The following AFG1L variants were observed in gnomAD, a reference collection of about 807,000 sequenced individuals.
AFG1L encodes AFG1 like ATPase.
In AFG1L, 53 loss-of-function variants were observed where a neutral mutation model predicts 62.2. The ratio of observed to expected loss-of-function variants is 0.85; its 90% CI spans 0.68 to 1.07. The LOEUF (loss-of-function observed/expected upper bound fraction) is 1.07. AFG1L is among the 50% of genes least tolerant of loss of function. The probability of loss-of-function intolerance (pLI) is 0.00; values close to 1 mark genes in which losing one functional copy is unlikely to be tolerated. For synonymous variants in AFG1L, 228 were observed against 210.3 expected, an observed-to-expected ratio of 1.08 and a Z score of -0.73; for missense variants, 555 against 590.5, an observed-to-expected ratio of 0.94 and a Z score of 0.62.
At chr6:108,513,221 C>T (rs1774730815) in intron 11 of AFG1L, among the ~76,000 whole-genome samples, 1 of 152,212 alleles carries the variant, frequency 6.6e-6, no homozygotes, top group Admixed American at 6.5e-5. Context: ...GCATTTCTAA[C>T]TGAGGTACTG....
In AFG1L at chr6:108,480,426, T is replaced by C. The variant is rs115632671; in HGVS notation, c.1062+3134T>C. ...AGCTAATAAGTGGTGTAGCCAGAGC[T>C]CAAACTTCTTGGTAGTTTGGGAGTC... On this transcript the variant is annotated intron_variant, in intron 10 of 12. Transcript: ENST00000368977. Among the ~76,000 whole-genome samples, 1,088 of 151,860 alleles carry C rather than the reference T, an allele frequency of 7.2e-3. 13 individuals are homozygous for C. The highest frequency in any genetic ancestry group is 0.025 in the African/African-American group (1,051 of 41,502).
At chr6:108,379,554 C>T (rs1360515773) in intron 6 of AFG1L, among the ~76,000 whole-genome samples, 2 of 152,148 alleles carry the variant, frequency 1.3e-5, no homozygotes, top group Non-Finnish European at 2.9e-5. Flanking sequence ...CAATGGGAGC[C>T]GTGAAGGGCA....
intron 7 of AFG1L, among the ~76,000 whole-genome samples, chr6:108,412,983 G>A (rs899166681): frequency 3.9e-5 from 6 of 152,152 alleles, no homozygotes; most frequent in Admixed American, 3.9e-4. Flanking sequence ...ATTGGATAAA[G>A]ATTCAAGACC....
chr6:108,395,379 A>G (rs1227464820), intron 6 of AFG1L, among the ~76,000 whole-genome samples: 1 of 150,520 alleles, frequency 6.6e-6, no homozygotes, highest in East Asian at 1.9e-4. Context: ...AAAATTTTTT[A>G]CTATTCCTTT....
intron 10 of AFG1L, among the ~76,000 whole-genome samples, chr6:108,497,191 T>G (rs1774002895): frequency 6.6e-6 from 1 of 152,198 alleles, no homozygotes; most frequent in African/African-American, 2.4e-5. Flanking sequence ...ACTAAACTGA[T>G]TTGCTCTTCC....
intron 6 of AFG1L, among the ~76,000 whole-genome samples, chr6:108,381,710 T>G (rs1197795641): frequency 6.6e-6 from 1 of 152,226 alleles, no homozygotes; most frequent in African/African-American, 2.4e-5. Flanking sequence ...GACATTCCAA[T>G]AGGGAAATAT....
chr6:108,320,860 G>A (rs533221631), intron 1 of AFG1L, among the ~76,000 whole-genome samples: 2 of 152,272 alleles, frequency 1.3e-5, no homozygotes, highest in Admixed American at 1.3e-4. Flanking sequence ...TAGCATCGAT[G>A]ATTGATTGGC....
At chr6:108,431,167 G>A (rs777807366) in intron 7 of AFG1L, among the ~76,000 whole-genome samples, 38 of 151,714 alleles carry the variant, frequency 2.5e-4, no homozygotes, top group Non-Finnish European at 4.4e-4. Flanking sequence ...GCAGTGGCGT[G>A]ATCTTGGCTC....
At chr6:108,367,200 A>AT (rs1262040129) in intron 6 of AFG1L, among the ~76,000 whole-genome samples, 2 of 152,104 alleles carry the variant, frequency 1.3e-5, no homozygotes, top group Admixed American at 6.6e-5. Flanking sequence ...GAGGGCAGTG[A>AT]TTTTTATCTC....
At position 108,441,712 on chromosome 6, in the gene AFG1L, A is replaced by AAAAAAATATAT. The variant is rs1401294615; in HGVS notation, c.808-5501_808-5500insAAAAATATATA. Among the ~76,000 whole-genome samples the AAAAAAATATAT allele has an allele frequency of 1.4e-4, 19 of 139,498 alleles. No homozygotes were observed. The South Asian group carries it at 2.1e-3, about 15-fold the overall frequency. 91.5% of individuals were successfully genotyped at this position (139,498 alleles called of 152,430 possible). The stretch of plus-strand genomic sequence containing the variant: ...ATCTGAGGTTTATTTAAAAAAAAAA[A>AAAAAAATATAT]ATATATATATATATATATAAACTGA... On this transcript the variant is annotated intron_variant, in intron 7 of 12. Coordinates refer to ENST00000368977, the MANE Select transcript of AFG1L (RefSeq NM_145315.5).
In AFG1L at chr6:108,519,560, A is replaced by G. The variant is rs537351518; in HGVS notation, c.1204-137A>G. The G allele has an allele frequency of 1.0e-4, 57 of 550,118 alleles. 1 individual carries two copies. Among genetic ancestry groups the G allele is most frequent in the South Asian group, 3.9e-4 (19 of 48,202 alleles). The allele number at this position is 550,118 out of a possible 1,614,324, so 34.1% of individuals were successfully genotyped here. A position where few individuals can be genotyped will look rare whatever the true frequency, so the allele number is the denominator to read the frequency against. On this transcript the variant is annotated intron_variant, in intron 11 of 12. Coordinates refer to ENST00000368977, the MANE Select transcript of AFG1L (RefSeq NM_145315.5). ...GCTTTAAAGAGATAAACAATTAGGG[A>G]AAAAAAATGGACGTCTTAAAAGCAA...
At chr6:108,452,711 G>A (rs144869994) in intron 8 of AFG1L, among the ~76,000 whole-genome samples, 1 of 152,292 alleles carries the variant, frequency 6.6e-6, no homozygotes, top group East Asian at 1.9e-4. Flanking sequence ...ATTAGCCTTG[G>A]CACAGATAGC....
chr6:108,316,533 A>ATTTT (rs544278061), intron 1 of AFG1L, among the ~76,000 whole-genome samples: 1 of 125,156 alleles, frequency 8.0e-6, no homozygotes. Context: ...GTACACTCTG[A>ATTTT]TTTTTTTTTT....
chr6:108,328,069 C>A (rs1434468172), intron 2 of AFG1L, among the ~76,000 whole-genome samples: 2 of 151,840 alleles, frequency 1.3e-5, no homozygotes, highest in African/African-American at 4.9e-5. Flanking sequence ...CTCTTTTCCC[C>A]ATATTTCTCA....
chr6:108,499,597 A>AC (rs1774106829), intron 10 of AFG1L, among the ~76,000 whole-genome samples: 1 of 149,334 alleles, frequency 6.7e-6, no homozygotes, highest in African/African-American at 2.4e-5. Flanking sequence ...AAAAAAAAAA[A>AC]GCTGGGCTCC....
At chr6:108,363,516 A>G (rs899196219) in intron 5 of AFG1L, among the ~76,000 whole-genome samples, 2 of 152,166 alleles carry the variant, frequency 1.3e-5, no homozygotes, top group African/African-American at 4.8e-5. Flanking sequence ...GGTGAAATAA[A>G]TAATAGCTTA....
chr6:108,519,659 T>G (rs776997329), intron 11 of AFG1L, 38 bp from the exon 12 acceptor site: 2 of 1,076,588 alleles, frequency 1.9e-6, no homozygotes, highest in African/African-American at 3.1e-5. Flanking sequence ...TTGTGAAATG[T>G]AAAGAGTAAC....
chr6:108,371,980 A>G (rs921986150), intron 6 of AFG1L, among the ~76,000 whole-genome samples: 2 of 151,680 alleles, frequency 1.3e-5, no homozygotes, highest in African/African-American at 2.4e-5. Context: ...CTAGTCTCAG[A>G]CTCCTGGGCT....
At chr6:108,448,404 A>G (rs1771899410) in intron 8 of AFG1L, among the ~76,000 whole-genome samples, 1 of 151,922 alleles carries the variant, frequency 6.6e-6, no homozygotes, top group Admixed American at 6.6e-5. Flanking sequence ...CTGTGTCTTG[A>G]TATTCCAGAT....
Sources: allele counts gnomAD v4.1 joint callset (sites outside exome capture counted in the v4.1 genomes callset), GRCh38; gene constraint gnomAD v4.1.1; transcripts MANE v1.5; gene names NCBI Gene and HGNC (gene_info 2026-07-23, HGNC 2026-07-21).